SEMA3A: variants seen among roughly 807,000 people sequenced by gnomAD.
The protein encoded by SEMA3A is semaphorin 3A, also known as semaphorin-3A.
A neutral mutation model predicts 97.9 loss-of-function variants in SEMA3A; 29 were observed. That is an observed-to-expected ratio of 0.30 (90% confidence interval 0.22 to 0.40). The LOEUF is 0.40. SEMA3A is among the 10% of genes least tolerant of loss of function. The pLI, the probability that SEMA3A is intolerant of heterozygous loss-of-function variation, is 1.00. For missense variants in SEMA3A, 763 were observed against 951.3 expected, an observed-to-expected ratio of 0.80 and a Z score of 2.60; for synonymous variants, 321 against 323.7, an observed-to-expected ratio of 0.99 and a Z score of 0.09.
chr7:84,337,210 C>T (rs138540210), intron 2 of SEMA3A, among the ~76,000 whole-genome samples: 46 of 152,190 alleles, frequency 3.0e-4, no homozygotes, highest in Non-Finnish European at 5.3e-4. Context: ...TTATTTTTAA[C>T]AATAATTCAT....
chr7:84,027,503 GTTTCTA>G (rs1791591757), intron 6 of SEMA3A, among the ~76,000 whole-genome samples: 1 of 152,006 alleles, frequency 6.6e-6, no homozygotes, highest in African/African-American at 2.4e-5. Context: ...ACAAATCTGG[GTTTCTA>G]TTTCTATTTC....
At chr7:84,248,056 C>T (rs745821864) in intron 3 of SEMA3A, among the ~76,000 whole-genome samples, 7 of 152,040 alleles carry the variant, frequency 4.6e-5, no homozygotes, top group African/African-American at 9.7e-5. Context: ...TGTCACCATC[C>T]GATAAATAAA....
At position 84,011,066 on chromosome 7, in the gene SEMA3A, T is replaced by G. The variant is rs1471408691; in HGVS notation, c.951A>C (p.Lys317Asn). Residue 317 changes from lysine to asparagine, a missense_variant, in exon 9 of 17, where the codon AAA (lysine) becomes AAC (asparagine). This residue lies in a region of SEMA3A where 678 missense variants were observed against 881.3 expected (regional missense o/e 0.77). Coordinates refer to ENST00000265362, the MANE Select transcript of SEMA3A (RefSeq NM_006080.3). ...CATATACAACTGGATTTTTAGGATC[T>G]TTAAAGTTCATTAGGAATACATCCT... ...ELQDVFLMNF[K>N]DPKNPVVYGV... 1 of 1,612,664 alleles carries G rather than the reference T, an allele frequency of 6.2e-7. No homozygotes were observed. Among genetic ancestry groups the G allele is most frequent in the Non-Finnish European group, 8.5e-7 (1 of 1,179,130 alleles).
At chr7:84,075,157 C>T (rs1300582753) in intron 4 of SEMA3A, among the ~76,000 whole-genome samples, 1 of 151,512 alleles carries the variant, frequency 6.6e-6, no homozygotes. Flanking sequence ...TGCTTTGCCT[C>T]TGCCCTCATT....
intron 12 of SEMA3A, among the ~76,000 whole-genome samples, chr7:83,990,797 C>T (rs6942472): frequency 0.68 from 64,608 of 95,408 alleles, 22,379 homozygotes; most frequent in East Asian, 0.82. Flanking sequence ...GACTTGGCGA[C>T]GCAGGCTCTT....
chr7:84,321,887 AAAAAAAAAAAAAG>A (rs1181659830), intron 2 of SEMA3A, among the ~76,000 whole-genome samples: 3,508 of 138,292 alleles, frequency 0.025, 122 homozygotes, highest in Non-Finnish European at 0.032. Flanking sequence ...AAAAAAAAAA[AAAAAAAAAAAAAG>A]AAGAAGAAGA....
chr7:84,483,854 G>A (rs904547993), intron 1 of SEMA3A, among the ~76,000 whole-genome samples: 1 of 152,028 alleles, frequency 6.6e-6, no homozygotes, highest in Non-Finnish European at 1.5e-5. Flanking sequence ...AGACCACCTG[G>A]ATAACATGGT....
intron 6 of SEMA3A, among the ~76,000 whole-genome samples, chr7:84,025,820 C>T (rs1453348380): frequency 6.6e-6 from 1 of 152,094 alleles, no homozygotes; most frequent in African/African-American, 2.4e-5. Context: ...TAAGACCCAG[C>T]GAATGTTCAA....
chr7:84,393,119 C>G (rs1355633502), intron 1 of SEMA3A, among the ~76,000 whole-genome samples: 1 of 152,066 alleles, frequency 6.6e-6, no homozygotes, highest in Admixed American at 6.6e-5. Context: ...ACTCATTGCT[C>G]AGAGCATTAT....
rs565174776 is a variant in SEMA3A, at chr7:84,424,294, G to A, written c.-245-52394C>T. 4.2e-5 allele frequency among the ~76,000 whole-genome samples: 6 copies of A among 141,766 alleles called. No individual in the cohort carries two copies. The East Asian group carries it at 1.0e-3, about 24-fold the overall frequency. 93.0% of individuals were successfully genotyped at this position (141,766 alleles called of 152,430 possible). A position where few individuals can be genotyped will look rare whatever the true frequency, so the allele number is the denominator to read the frequency against. ...AAGAAAATGTTAAATATATATAAAT[G>A]TATAATATATTGATATAAATACATT... is the stretch of plus-strand genomic sequence containing the variant. On this transcript the variant is annotated intron_variant, in intron 1 of 3. Coordinates refer to the SEMA3A transcript ENST00000424555.
At chr7:84,460,009 A>G (rs1490288859) in intron 1 of SEMA3A, among the ~76,000 whole-genome samples, 3 of 152,190 alleles carry the variant, frequency 2.0e-5, no homozygotes, top group African/African-American at 7.2e-5. Flanking sequence ...CGGAGGAGAT[A>G]CAGTGAGATG....
intron 3 of SEMA3A, among the ~76,000 whole-genome samples, chr7:84,255,424 T>C (rs893200312): frequency 1.3e-5 from 2 of 152,100 alleles, no homozygotes; most frequent in Non-Finnish European, 2.9e-5. Context: ...CCAGACTTCT[T>C]TCAAACCAAA....
At chr7:84,104,616 G>C (rs577251976) in intron 4 of SEMA3A, among the ~76,000 whole-genome samples, 27 of 152,050 alleles carry the variant, frequency 1.8e-4, no homozygotes, top group South Asian at 1.5e-3. Flanking sequence ...TTTGGATTTT[G>C]GTATCTATTT....
At chr7:83,984,168 G>A (rs1376775442) in intron 13 of SEMA3A, among the ~76,000 whole-genome samples, 6 of 152,050 alleles carry the variant, frequency 3.9e-5, no homozygotes, top group Non-Finnish European at 7.4e-5. Context: ...ATTAAGACTG[G>A]CAATGAGGCC....
chr7:84,064,181 C>T (rs7790907), intron 4 of SEMA3A, among the ~76,000 whole-genome samples: 52,027 of 151,258 alleles, frequency 0.34, 10,780 homozygotes, highest in Non-Finnish European at 0.47. Context: ...GCTTCATAAG[C>T]GAAGGAGAAA....
intron 6 of SEMA3A, among the ~76,000 whole-genome samples, chr7:84,025,381 CT>C (rs1375269242): frequency 1.3e-5 from 2 of 152,152 alleles, no homozygotes; most frequent in African/African-American, 4.8e-5. Context: ...GGTTTCTTCC[CT>C]TTTCAGCTAT....
chr7:84,150,669 G>A (rs894697342), intron 1 of SEMA3A, among the ~76,000 whole-genome samples: 15 of 152,140 alleles, frequency 9.9e-5, no homozygotes, highest in African/African-American at 3.4e-4. Context: ...GGGGAGGGGC[G>A]CCCGCCATTG....
chr7:83,997,548 G>A (rs1464290847), intron 12 of SEMA3A, among the ~76,000 whole-genome samples: 4 of 152,102 alleles, frequency 2.6e-5, no homozygotes, highest in Non-Finnish European at 5.9e-5. Context: ...GTCTACTTGA[G>A]TGCCAAAGAA....
intron 2 of SEMA3A, among the ~76,000 whole-genome samples, chr7:84,348,575 T>G (rs1222910272): frequency 2.0e-5 from 3 of 152,168 alleles, no homozygotes; most frequent in Non-Finnish European, 4.4e-5. Context: ...ATGTTTCCAG[T>G]TACATGAATT....
Sources: allele counts gnomAD v4.1 joint callset (sites outside exome capture counted in the v4.1 genomes callset), GRCh38; gene constraint gnomAD v4.1.1; regional missense constraint gnomAD v4.1.1; transcripts MANE v1.5; gene names NCBI Gene and HGNC (gene_info 2026-07-23, HGNC 2026-07-21).